KAZN: variants seen among roughly 807,000 people sequenced by gnomAD.
The protein encoded by KAZN is kazrin.
A neutral mutation model predicts 87.4 loss-of-function variants in KAZN; 40 were observed. The ratio of observed to expected loss-of-function variants is 0.46; its 90% confidence interval spans 0.36 to 0.60. The LOEUF is 0.60. KAZN is among the 20% of genes least tolerant of loss of function. The pLI, the probability that KAZN is intolerant of heterozygous loss-of-function variation, is 0.00. For synonymous variants in KAZN, 466 were observed against 458.3 expected (o/e 1.02, Z -0.22); for missense variants, 898 against 1,073.9 (o/e 0.84, Z 2.29).
At chr1:15,059,335 T>C (rs1034662326) in intron 5 of KAZN, among the ~76,000 whole-genome samples, 10 of 152,162 alleles carry the variant, frequency 6.6e-5, no homozygotes, top group Non-Finnish European at 1.2e-4. Context: ...AGGATGACAG[T>C]GCCCCTGATG....
chr1:14,883,340 GAGAAAGAAAGAAAGAAA>G (rs1653580407), intron 1 of KAZN, among the ~76,000 whole-genome samples: 1 of 24,496 alleles, frequency 4.1e-5, no homozygotes, highest in Admixed American at 6.0e-4. Flanking sequence ...GAGAGAGAGA[GAGAAAGAAAGAAAGAAA>G]AGAAAGAAAG....
At chr1:14,965,025 TA>T (rs1188930446) in intron 2 of KAZN, among the ~76,000 whole-genome samples, 32 of 151,752 alleles carry the variant, frequency 2.1e-4, no homozygotes, top group Non-Finnish European at 4.1e-4. Context: ...GACATATATA[TA>T]TATTTTTTTC....
chr1:14,938,641 G>A (rs1660726498), intron 1 of KAZN, among the ~76,000 whole-genome samples: 1 of 152,054 alleles, frequency 6.6e-6, no homozygotes, highest in African/African-American at 2.4e-5. Context: ...AGGACGTCAA[G>A]CACTGGGGCA....
intron 2 of KAZN, among the ~76,000 whole-genome samples, chr1:14,514,729 G>A (rs1397470668): frequency 6.8e-6 from 1 of 147,788 alleles, no homozygotes; most frequent in Non-Finnish European, 1.5e-5. Flanking sequence ...AAAATACAGG[G>A]TCAACCACCC....
chr1:14,715,533 G>A (rs892684886), intron 1 of KAZN, among the ~76,000 whole-genome samples: 7 of 152,152 alleles, frequency 4.6e-5, no homozygotes, highest in Non-Finnish European at 1.0e-4. Context: ...AAACCTCAGC[G>A]CTCCGAAAAC....
At chr1:14,317,003 C>A (rs1655698844) in intron 2 of KAZN, among the ~76,000 whole-genome samples, 2 of 151,792 alleles carry the variant, frequency 1.3e-5, no homozygotes, top group Admixed American at 1.3e-4. Flanking sequence ...AAGTTTACTC[C>A]ATTATTGGGT....
At chr1:14,134,595 C>G (rs1645063928) in intron 1 of KAZN, among the ~76,000 whole-genome samples, 2 of 152,120 alleles carry the variant, frequency 1.3e-5, no homozygotes, top group South Asian at 4.1e-4. Flanking sequence ...TTATTGGTAG[C>G]AGTAGAAATC....
At chr1:14,429,703 G>C (rs1244450538) in intron 2 of KAZN, among the ~76,000 whole-genome samples, 3 of 152,086 alleles carry the variant, frequency 2.0e-5, no homozygotes, top group Non-Finnish European at 2.9e-5. Context: ...CTGTCTTTGG[G>C]CTTTATGTCA....
intron 1 of KAZN, among the ~76,000 whole-genome samples, chr1:13,977,246 G>A (rs988015758): frequency 5.3e-5 from 8 of 152,126 alleles, no homozygotes; most frequent in African/African-American, 1.9e-4. Context: ...CAGGTACATT[G>A]GAAAGAACAT....
At chr1:14,779,727 A>G (rs1158196729) in intron 1 of KAZN, among the ~76,000 whole-genome samples, 1 of 151,910 alleles carries the variant, frequency 6.6e-6, no homozygotes, top group African/African-American at 2.4e-5. Flanking sequence ...TTTTCCTGGG[A>G]TTAAGGCTCA....
chr1:14,347,713 A>G (rs530582239), intron 2 of KAZN, among the ~76,000 whole-genome samples: 3 of 152,206 alleles, frequency 2.0e-5, no homozygotes, highest in African/African-American at 4.8e-5. Context: ...GTTGTATATT[A>G]TGATACCTAG....
chr1:14,343,182 G>T (rs1422087510), intron 2 of KAZN, among the ~76,000 whole-genome samples: 1 of 152,028 alleles, frequency 6.6e-6, no homozygotes, highest in Admixed American at 6.6e-5. Flanking sequence ...AAAAACTTTC[G>T]TATGTAGCTG....
At chr1:15,046,829 C>T (rs997012216) in intron 4 of KAZN, among the ~76,000 whole-genome samples, 2 of 152,130 alleles carry the variant, frequency 1.3e-5, no homozygotes, top group African/African-American at 4.8e-5. Context: ...TGCGTGCAGC[C>T]CAGAAAGAAA....
At chr1:15,034,946 G>A in intron 3 of KAZN, 61 bp downstream of exon 3, 1 of 1,590,896 alleles carries the variant, frequency 6.3e-7, no homozygotes, top group South Asian at 1.1e-5. Context: ...CTCCCCTGCT[G>A]GCTGGCCACC....
At chr1:14,718,361 A>G (rs973222652) in intron 1 of KAZN, among the ~76,000 whole-genome samples, 2 of 152,122 alleles carry the variant, frequency 1.3e-5, no homozygotes, top group African/African-American at 4.8e-5. Context: ...TGGCCCCTTA[A>G]TCACCTGCTT....
chr1:14,106,837 T>C (rs1408408410), intron 1 of KAZN, among the ~76,000 whole-genome samples: 3 of 152,178 alleles, frequency 2.0e-5, no homozygotes, highest in Non-Finnish European at 4.4e-5. Context: ...CTTTTATGTA[T>C]GTGCTTGGCT....
intron 1 of KAZN, among the ~76,000 whole-genome samples, chr1:14,847,770 C>T (rs1035950390): frequency 1.3e-5 from 2 of 152,156 alleles, no homozygotes; most frequent in African/African-American, 2.4e-5. Context: ...CAGTTGAGGC[C>T]AGGAGTTGGA....
intron 1 of KAZN, among the ~76,000 whole-genome samples, chr1:14,775,361 G>A (rs777968845): frequency 7.2e-5 from 11 of 152,204 alleles, no homozygotes; most frequent in South Asian, 2.1e-4. Flanking sequence ...TTGTTCCAGC[G>A]TCATGCTTCC....
chr1:14,819,448 CGTT>C (rs1646670781), intron 1 of KAZN, among the ~76,000 whole-genome samples: 1 of 152,054 alleles, frequency 6.6e-6, no homozygotes, highest in South Asian at 2.1e-4. Context: ...AGGTGAGGAC[CGTT>C]GTTCTTATGG....
Sources: gnomAD v4.1 joint callset for allele counts (sites outside exome capture counted in the v4.1 genomes callset) on GRCh38, gnomAD v4.1.1 for gene constraint, MANE v1.5 for transcripts, NCBI Gene and HGNC (gene_info 2026-07-23, HGNC 2026-07-21) for gene names.